The following ADAD1 variants were observed in gnomAD, a reference collection of about 807,000 sequenced individuals.
ADAD1 encodes the protein adenosine deaminase domain containing 1.
ADAD1 carries 46 observed loss-of-function variants against 66.8 expected under a neutral mutation model. That is an observed-to-expected ratio of 0.69 (90% CI 0.54 to 0.88). The LOEUF is 0.88. ADAD1 is among the 40% of genes least tolerant of loss of function. The pLI is 0.00. For missense variants in ADAD1, 617 were observed against 681.8 expected (o/e 0.91, Z 1.06); for synonymous variants, 248 against 229.4 (o/e 1.08, Z -0.73).
Position 122,396,290 on chromosome 4 carries a change from G to A in ADAD1, c.637G>A (p.Val213Ile), listed in dbSNP as rs533027008. Reference sequence around the variant, plus strand: ...TCAATATGCAAAGATTTCACAGATCGTTAAAGAAAGATTTAATCAACTAAT... The same window carrying A: ...TCAATATGCAAAGATTTCACAGATCATTAAAGAAAGATTTAATCAACTAAT... Reference protein sequence around the residue: ...HIQYAKISQIVKERFNQLISN... With the variant: ...HIQYAKISQIIKERFNQLISN... The change falls in exon 7 of 13, where the codon GTT becomes ATT. Residue 213 changes from valine to isoleucine, a missense_variant. By Grantham distance (29) the Val-to-Ile change is conservative. Transcript: ENST00000296513. The A allele has an allele frequency of 3.6e-5, 57 of 1,597,282 alleles. No individual in the cohort carries two copies. The highest frequency in any genetic ancestry group is 3.5e-4 in the Admixed American group (20 of 57,192).
At chr4:122,410,684 A>G (rs1395748723) in intron 8 of ADAD1, among the ~76,000 whole-genome samples, 1 of 152,212 alleles carries the variant, frequency 6.6e-6, no homozygotes, top group East Asian at 1.9e-4. Context: ...GAAACATACA[A>G]TAAATTATTG....
chr4:122,412,564 T>C lies in ADAD1; in HGVS notation c.1020-16T>C, dbSNP rs781645790. 1 of 1,603,710 alleles carries C rather than the reference T, an allele frequency of 6.2e-7. No individual in the cohort carries two copies. The highest frequency in any genetic ancestry group is 8.5e-7 in the Non-Finnish European group (1 of 1,173,242). ...CTTTGTTTTTTAAAGGAAGAAACTT[T>C]CTTTTCTTTCTCTAGACGTCTTAAT... On this transcript the variant is annotated splice_polypyrimidine_tract_variant and intron_variant, in intron 9 of 12. Coordinates refer to ENST00000296513, the MANE Select transcript of ADAD1 (RefSeq NM_139243.4).
intron 5 of ADAD1, among the ~76,000 whole-genome samples, chr4:122,385,276 C>CGTTTT (rs954731538): frequency 4.6e-5 from 7 of 151,452 alleles, no homozygotes; most frequent in Non-Finnish European, 1.0e-4. Flanking sequence ...TAGTGTTTTT[C>CGTTTT]GTTTTGTTTT....
At position 122,426,158 on chromosome 4, in the gene ADAD1, T is replaced by TA. The variant is rs746016582; in HGVS notation, c.1618-3462dup. 2.0e-5 allele frequency among the ~76,000 whole-genome samples: 3 copies of TA among 151,986 alleles called. No individual in the cohort carries two copies. In the East Asian group the frequency reaches 5.8e-4, roughly 29 times the overall value. On this transcript the variant is annotated intron_variant, in intron 12 of 12. Coordinates refer to ENST00000296513, the MANE Select transcript of ADAD1 (RefSeq NM_139243.4). Reference sequence around the variant, plus strand: ...CACAAATTATCAAAATCTGGAATTTTAAAAAAGGTGGTTATCACTACAGAC... The same window carrying TA: ...CACAAATTATCAAAATCTGGAATTTTAAAAAAAGGTGGTTATCACTACAGAC...
Position 122,380,139 on chromosome 4 carries a change from C to A in ADAD1, c.70C>A (p.Leu24Met), listed in dbSNP as rs370687144. The change falls in exon 3 of 13, where the codon CTG becomes ATG. Residue 24 changes from leucine to methionine, a missense_variant. By Grantham distance (15) the Leu-to-Met change is conservative. Coordinates refer to ENST00000296513, the MANE Select transcript of ADAD1 (RefSeq NM_139243.4). ...CTTTGCCCAGATGCTGAAAAAGAACCTGCCAGTTCAACCAGCGACAAAGAC... is the reference window on the plus strand; with the variant it reads ...CTTTGCCCAGATGCTGAAAAAGAACATGCCAGTTCAACCAGCGACAAAGAC... The part of the protein sequence containing the change: ...PSFAQMLKKN[L>M]PVQPATKTIT... The A allele has an allele frequency of 1.2e-6, 2 of 1,614,156 alleles. No homozygotes were observed. The highest frequency in any genetic ancestry group is 1.7e-6 in the Non-Finnish European group (2 of 1,180,042).
chr4:122,404,911 T>C (rs1034948049), intron 7 of ADAD1, among the ~76,000 whole-genome samples: 2 of 152,172 alleles, frequency 1.3e-5, no homozygotes, highest in African/African-American at 2.4e-5. Flanking sequence ...CCATTCCTTC[T>C]CACATCTTGC....
Position 122,381,032 on chromosome 4 carries a change from T to C in ADAD1, c.213T>C (p.Ser71=). 6.3e-7 allele frequency: 1 copy of C among 1,598,888 alleles called. No individual in the cohort carries two copies. The highest frequency in any genetic ancestry group is 8.5e-7 in the Non-Finnish European group (1 of 1,176,864). ...CGTTGCTTTCCAAGAATCTTTCATC[T>C]ATTTCAAATCCTGTCCTTCCTCCAA... ...PEPLLSKNLS[S]ISNPVLPPKK... Residue 71 remains serine, a synonymous_variant, in exon 4 of 13, where the codon TCT becomes TCC. Coordinates refer to ENST00000296513, the MANE Select transcript of ADAD1 (RefSeq NM_139243.4).
At chr4:122,380,886 GA>G in intron 3 of ADAD1, 105 bp from the exon 4 acceptor site, 1 of 1,003,150 alleles carries the variant, frequency 1.0e-6, no homozygotes, top group Non-Finnish European at 1.4e-6. Context: ...AACATATGAT[GA>G]AGTGTATCTG....
chr4:122,427,569 C>G (rs1186205638), intron 12 of ADAD1, among the ~76,000 whole-genome samples: 1 of 111,956 alleles, frequency 8.9e-6, no homozygotes, highest in Admixed American at 1.4e-4. Flanking sequence ...GAGTCTTGCT[C>G]TGTCACCCAG....
intron 12 of ADAD1, among the ~76,000 whole-genome samples, chr4:122,422,638 C>A (rs1348738272): frequency 1.3e-5 from 2 of 152,008 alleles, no homozygotes; most frequent in Non-Finnish European, 2.9e-5. Context: ...AGTATAAAAG[C>A]TTTTCTAGAC....
chr4:122,394,219 A>G (rs1377592413), intron 6 of ADAD1, among the ~76,000 whole-genome samples: 1 of 152,212 alleles, frequency 6.6e-6, no homozygotes, highest in East Asian at 1.9e-4. Context: ...TCAGTGCCTA[A>G]CACACCATAG....
At chr4:122,425,782 C>A (rs1797206312) in intron 12 of ADAD1, among the ~76,000 whole-genome samples, 1 of 151,878 alleles carries the variant, frequency 6.6e-6, no homozygotes, top group Non-Finnish European at 1.5e-5. Flanking sequence ...GGGACTTGAG[C>A]ATCTGCAGAT....
At chr4:122,380,692 T>C (rs1280796773) in intron 3 of ADAD1, among the ~76,000 whole-genome samples, 1 of 152,216 alleles carries the variant, frequency 6.6e-6, no homozygotes, top group Non-Finnish European at 1.5e-5. Context: ...CTTAGTGATA[T>C]TATCTGTAAA....
intron 5 of ADAD1, among the ~76,000 whole-genome samples, chr4:122,384,558 A>C (rs756298205): frequency 1.3e-5 from 2 of 152,200 alleles, no homozygotes; most frequent in Non-Finnish European, 2.9e-5. Flanking sequence ...GTCCTTAACC[A>C]GTGCCTACTG....
chr4:122,416,583 A>G (rs958262200), intron 11 of ADAD1, among the ~76,000 whole-genome samples: 2 of 152,040 alleles, frequency 1.3e-5, no homozygotes, highest in African/African-American at 2.4e-5. Context: ...AATAAAAAGT[A>G]TTAACCAGGA....
intron 11 of ADAD1, among the ~76,000 whole-genome samples, chr4:122,418,268 CTT>C (rs1451670616): frequency 1.4e-5 from 2 of 146,926 alleles, no homozygotes; most frequent in African/African-American, 2.5e-5. Context: ...ACTTGCAAAA[CTT>C]ATATATAGAA....
At chr4:122,381,696 C>T (rs906077755) in intron 4 of ADAD1, among the ~76,000 whole-genome samples, 1 of 152,176 alleles carries the variant, frequency 6.6e-6, no homozygotes, top group Non-Finnish European at 1.5e-5. Context: ...TGAAAGGCTA[C>T]ACGAGTACAG....
intron 11 of ADAD1, among the ~76,000 whole-genome samples, chr4:122,419,826 T>C (rs1796923491): frequency 6.6e-6 from 1 of 152,198 alleles, no homozygotes; most frequent in South Asian, 2.1e-4. Flanking sequence ...ATAAATAATT[T>C]AGCTCTACAA....
intron 4 of ADAD1, among the ~76,000 whole-genome samples, chr4:122,381,874 A>C (rs1166385586): frequency 1.3e-5 from 2 of 152,034 alleles, no homozygotes; most frequent in Non-Finnish European, 2.9e-5. Flanking sequence ...TTGTACACAC[A>C]CATGAGTAGT....
Sources: gnomAD v4.1 joint callset for allele counts (sites outside exome capture counted in the v4.1 genomes callset) on GRCh38, gnomAD v4.1.1 for gene constraint, MANE v1.5 for transcripts, NCBI Gene and HGNC (gene_info 2026-07-23, HGNC 2026-07-21) for gene names.